ZC2HC1B: variants seen among roughly 807,000 people sequenced by gnomAD.
ZC2HC1B encodes zinc finger C2HC-type containing 1B, also known as zinc finger C2HC domain-containing protein 1B.
In ZC2HC1B, 36 loss-of-function variants were observed where a neutral mutation model predicts 31.0. The observed-to-expected ratio is 1.16, with a 90% CI of 0.89 to 1.54. ZC2HC1B has a LOEUF of 1.54. ZC2HC1B is among the 40% of genes most tolerant of loss of function. The probability of loss-of-function intolerance (pLI) is 0.00; values close to 1 mark genes in which losing one functional copy is unlikely to be tolerated. For synonymous variants in ZC2HC1B, 73 were observed against 88.0 expected (o/e 0.83, Z 0.95); for missense variants, 260 against 268.6 (o/e 0.97, Z 0.22).
chr6:143,933,976 T>C lies in ZC2HC1B; in HGVS notation c.599-3673T>C, dbSNP rs1458167014. ...CAGTTGCCTTCCCCGAGGGCTCTTG[T>C]GAGATAGAGTCAGGGATGGCTTCCC... On this transcript the variant is annotated intron_variant, in intron 6 of 7. Transcript: ENST00000237275. The surrounding 1 kb of genome is among the most constrained non-coding windows in gnomAD (Gnocchi z 6.4). Among the ~76,000 whole-genome samples, 1 of 152,058 alleles carries C rather than the reference T, an allele frequency of 6.6e-6. No individual in the cohort carries two copies. The highest frequency in any genetic ancestry group is 1.5e-5 in the Non-Finnish European group (1 of 67,966).
In ZC2HC1B at chr6:143,892,729, C is replaced by G. The variant is rs187285735; in HGVS notation, c.350-5823C>G. ...TCCAAACACCTCACACTAGGACTGC[C>G]TCCGACACTGAAGATCAAATTTCAA... is the stretch of plus-strand genomic sequence containing the variant. On this transcript the variant is annotated intron_variant, in intron 4 of 7. Coordinates refer to ENST00000237275, the MANE Select transcript of ZC2HC1B (RefSeq NM_001013623.3). 7.9e-5 allele frequency among the ~76,000 whole-genome samples: 12 copies of G among 152,236 alleles called. No homozygotes were observed. The East Asian group carries it at 1.5e-3, about 20-fold the overall frequency.
Position 143,870,905 on chromosome 6 carries a change from C to T in ZC2HC1B, c.28+6338C>T, listed in dbSNP as rs1475849004. ...ACAGCAGCCTGGACCTGTTGTAGAG[C>T]CTTCTCCTGTTCTGGACCCCACTCA... is the stretch of plus-strand genomic sequence containing the variant. On this transcript the variant is annotated intron_variant, in intron 1 of 7. Coordinates refer to ENST00000237275, the MANE Select transcript of ZC2HC1B (RefSeq NM_001013623.3). This position sits in a 1 kb window ranked among gnomAD's most constrained non-coding sequence, Gnocchi z 4.7. Among the ~76,000 whole-genome samples the T allele has an allele frequency of 6.6e-6, 1 of 152,156 alleles. No homozygotes were observed. Among genetic ancestry groups the T allele is most frequent in the East Asian group, 1.9e-4 (1 of 5,186 alleles).
chr6:143,883,802 A>G lies in ZC2HC1B; in HGVS notation c.29-502A>G, dbSNP rs561040375. Among the ~76,000 whole-genome samples, 36 of 152,252 alleles carry G rather than the reference A, an allele frequency of 2.4e-4. No individual in the cohort carries two copies. Among genetic ancestry groups the G allele is most frequent in the African/African-American group, 7.7e-4 (32 of 41,548 alleles). The stretch of plus-strand genomic sequence containing the variant: ...ATCTATTTATCGAATGAATGTTTCT[A>G]TGTTAGAAATTCAATTCTTGCTTGG... On this transcript the variant is annotated intron_variant, in intron 1 of 7. Transcript: ENST00000237275. The surrounding 1 kb of genome is among the most constrained non-coding windows in gnomAD (Gnocchi z 4.1).
chr6:143,937,597 C>A, intron 6 of ZC2HC1B, 52 bp from the exon 7 acceptor site: 2 of 1,369,274 alleles, frequency 1.5e-6, no homozygotes, highest in Non-Finnish European at 9.7e-7. Context: ...GTCTTTTTTT[C>A]TTGGTAATGT....
At chr6:143,935,646 CT>C (rs759896830) in intron 6 of ZC2HC1B, among the ~76,000 whole-genome samples, 87 of 55,838 alleles carry the variant, frequency 1.6e-3, no homozygotes, top group African/African-American at 4.6e-3. Context: ...TGGTATCACT[CT>C]TTTTTTTTTT....
rs542692069 is a variant in ZC2HC1B at position 143,899,985 on chromosome 6, A to T, written c.489+1294A>T. ...GCAAACTTTTTGCCCTTAAATATCAAAATGGGTTCACCAGCCTAGAGTTGG... is the reference window on the plus strand; with the variant it reads ...GCAAACTTTTTGCCCTTAAATATCATAATGGGTTCACCAGCCTAGAGTTGG... On this transcript the variant is annotated intron_variant, in intron 5 of 7. Transcript: ENST00000237275. The surrounding 1 kb of genome is among the most constrained non-coding windows in gnomAD (Gnocchi z 5.0). 1.3e-3 allele frequency among the ~76,000 whole-genome samples: 203 copies of T among 152,338 alleles called. No homozygotes were observed. Among genetic ancestry groups the T allele is most frequent in the African/African-American group, 4.6e-3 (192 of 41,580 alleles).
chr6:143,909,752 G>C (rs1426872384), intron 6 of ZC2HC1B, among the ~76,000 whole-genome samples: 4 of 151,900 alleles, frequency 2.6e-5, no homozygotes, highest in Admixed American at 2.6e-4. Flanking sequence ...GGTCAGTGGT[G>C]ATATCCCCCT....
At chr6:143,912,879 C>T (rs927687499) in intron 6 of ZC2HC1B, among the ~76,000 whole-genome samples, 1 of 152,212 alleles carries the variant, frequency 6.6e-6, no homozygotes, top group African/African-American at 2.4e-5. Context: ...CTGCCCCACC[C>T]TTCAGGCACT....
chr6:143,893,782 G>A (rs1296140230), intron 4 of ZC2HC1B, among the ~76,000 whole-genome samples: 2 of 151,912 alleles, frequency 1.3e-5, no homozygotes, highest in Non-Finnish European at 2.9e-5. Context: ...CGCCTCCCAG[G>A]TTCACGCCAT....
At position 143,922,486 on chromosome 6, in the gene ZC2HC1B, A is replaced by G. The variant is rs561552187; in HGVS notation, c.599-15163A>G. Among the ~76,000 whole-genome samples the G allele has an allele frequency of 6.6e-6, 1 of 152,140 alleles. No homozygotes were observed. Among genetic ancestry groups the G allele is most frequent in the South Asian group, 2.1e-4 (1 of 4,806 alleles). ...TCCACCAGCACCCTGCCACACACAT[A>G]CCCTTCCCGTCCTCTAGTAACTATC... On this transcript the variant is annotated intron_variant, in intron 6 of 7. Coordinates refer to ENST00000237275, the MANE Select transcript of ZC2HC1B (RefSeq NM_001013623.3). The surrounding 1 kb of genome is among the most constrained non-coding windows in gnomAD (Gnocchi z 5.0).
chr6:143,896,953 G>A (rs1341250806), intron 4 of ZC2HC1B, among the ~76,000 whole-genome samples: 1 of 152,070 alleles, frequency 6.6e-6, no homozygotes, highest in East Asian at 1.9e-4. Flanking sequence ...GTGTAAGACA[G>A]CACCTGGCAC....
Position 143,870,077 on chromosome 6 carries a change from A to G in ZC2HC1B, c.28+5510A>G, listed in dbSNP as rs189254675. ...CTCTTCCCCAAATTTCTTTGTCACC[A>G]ATTTTCCAATCATGCTTCTTCCAAG... On this transcript the variant is annotated intron_variant, in intron 1 of 7. Transcript: ENST00000237275. This position sits in a 1 kb window ranked among gnomAD's most constrained non-coding sequence, Gnocchi z 4.7. Among the ~76,000 whole-genome samples, 17 of 152,336 alleles carry G rather than the reference A, an allele frequency of 1.1e-4. No individual in the cohort carries two copies. The East Asian group carries it at 3.3e-3, about 29-fold the overall frequency.
rs183207540 is a variant in ZC2HC1B at position 143,887,630 on chromosome 6, A to G, written c.349+809A>G. On this transcript the variant is annotated intron_variant, in intron 4 of 7. Coordinates refer to ENST00000237275, the MANE Select transcript of ZC2HC1B (RefSeq NM_001013623.3). The surrounding 1 kb of genome is among the most constrained non-coding windows in gnomAD (Gnocchi z 5.1). Reference sequence around the variant, plus strand: ...CTTCGGTCTTTATTAAATCTTGAACAATATCCCTACCAGGCTATTCACCTT... The same window carrying G: ...CTTCGGTCTTTATTAAATCTTGAACGATATCCCTACCAGGCTATTCACCTT... Among the ~76,000 whole-genome samples, 2 of 152,138 alleles carry G rather than the reference A, an allele frequency of 1.3e-5. No individual in the cohort carries two copies. Among genetic ancestry groups the G allele is most frequent in the Admixed American group, 6.5e-5 (1 of 15,270 alleles).
chr6:143,889,184 A>G (rs967681521), intron 4 of ZC2HC1B, among the ~76,000 whole-genome samples: 3 of 146,146 alleles, frequency 2.1e-5, no homozygotes, highest in African/African-American at 8.4e-5. Context: ...AAAGATACCT[A>G]TTGTAAACTC....
At chr6:143,930,643 C>G (rs1778109035) in intron 6 of ZC2HC1B, among the ~76,000 whole-genome samples, 1 of 152,072 alleles carries the variant, frequency 6.6e-6, no homozygotes, top group South Asian at 2.1e-4. Flanking sequence ...TCCCAAAGTG[C>G]TGGGATTACA....
intron 1 of ZC2HC1B, among the ~76,000 whole-genome samples, chr6:143,873,238 G>T (rs1440808507): frequency 6.6e-6 from 1 of 152,216 alleles, no homozygotes; most frequent in Non-Finnish European, 1.5e-5. Context: ...GATCTCCTTT[G>T]ACTCCATGTC....
intron 6 of ZC2HC1B, among the ~76,000 whole-genome samples, chr6:143,907,598 A>C (rs1296440049): frequency 6.6e-6 from 1 of 152,160 alleles, no homozygotes; most frequent in Non-Finnish European, 1.5e-5. Flanking sequence ...GTGTCTGTTC[A>C]TGTCCTTTGC....
chr6:143,886,660 T>C lies in ZC2HC1B; in HGVS notation c.211-23T>C. The C allele has an allele frequency of 4.6e-6, 7 of 1,514,438 alleles. No individual in the cohort carries two copies. The highest frequency in any genetic ancestry group is 6.2e-6 in the Non-Finnish European group (7 of 1,131,876). 93.8% of individuals were successfully genotyped at this position (1,514,438 alleles called of 1,614,324 possible). A position where few individuals can be genotyped will look rare whatever the true frequency, so the allele number is the denominator to read the frequency against. On this transcript the variant is annotated intron_variant, in intron 3 of 7. Transcript: ENST00000237275. The surrounding 1 kb of genome is among the most constrained non-coding windows in gnomAD (Gnocchi z 4.2). ...GAGAGGTATATAGTCTAGGGTATTA[T>C]TTGTTGGTTTTATTTTTTACAGTCT...
chr6:143,875,117 G>A (rs1253372175), intron 1 of ZC2HC1B, among the ~76,000 whole-genome samples: 2 of 152,144 alleles, frequency 1.3e-5, no homozygotes, highest in Non-Finnish European at 2.9e-5. Flanking sequence ...ACAGGCATGA[G>A]CCACCACTGC....
Sources: gnomAD v4.1 joint callset for allele counts (sites outside exome capture counted in the v4.1 genomes callset) on GRCh38, gnomAD v4.1.1 for gene constraint, Gnocchi (gnomAD v3.1) non-coding constraint, MANE v1.5 for transcripts, NCBI Gene and HGNC (gene_info 2026-07-23, HGNC 2026-07-21) for gene names.